The following TNRC18 variants were observed in gnomAD, a reference collection of about 807,000 sequenced individuals.
TNRC18 encodes trinucleotide repeat containing 18, also known as trinucleotide repeat-containing gene 18 protein.
Under a neutral mutation model 226.7 loss-of-function variants are expected in TNRC18, and 69 were observed. The ratio of observed to expected loss-of-function variants is 0.30; its 90% CI spans 0.25 to 0.37. The LOEUF is 0.37. Among genes scored for constraint, TNRC18 ranks in the 10% least tolerant of loss-of-function variants. TNRC18 has a pLI of 1.00. For missense variants in TNRC18, 4,754 were observed against 4,256.6 expected, an observed-to-expected ratio of 1.12 and a Z score of -3.25; for synonymous variants, 2,449 against 1,927.6, an observed-to-expected ratio of 1.27 and a Z score of -7.09.
chr7:5,399,116 CT>C lies in TNRC18; in HGVS notation c.188-4522del, dbSNP rs148302563. On this transcript the variant is annotated intron_variant, in intron 2 of 29. Transcript: ENST00000430969. ...TACTCCAAGCCCCCACAGTGCCCCCCTGCCCCACCCACTGCTCACACCCACA... is the reference window on the plus strand; with the variant it reads ...TACTCCAAGCCCCCACAGTGCCCCCCGCCCCACCCACTGCTCACACCCACA... Among the ~76,000 whole-genome samples the C allele has an allele frequency of 1.8e-4, 28 of 152,326 alleles. No individual in the cohort carries two copies. In the East Asian group the frequency reaches 4.2e-3, roughly 23 times the overall value.
At chr7:5,415,895 C>T (rs1468864048) in intron 2 of TNRC18, among the ~76,000 whole-genome samples, 1 of 141,340 alleles carries the variant, frequency 7.1e-6, no homozygotes. Flanking sequence ...TCACCTGAGG[C>T]CAGGAGTTCG....
intron 11 of TNRC18, among the ~76,000 whole-genome samples, chr7:5,363,558 G>T (rs371760696): frequency 6.6e-6 from 1 of 151,974 alleles, no homozygotes; most frequent in Non-Finnish European, 1.5e-5. Flanking sequence ...AAGCCGAGAT[G>T]GCGCCACTGC....
chr7:5,348,461 C>A (rs1178504460), intron 17 of TNRC18, among the ~76,000 whole-genome samples: 1 of 152,202 alleles, frequency 6.6e-6, no homozygotes, highest in African/African-American at 2.4e-5. Flanking sequence ...ACTCCACAGT[C>A]TCCTGCCAAC....
rs1371564878 is a variant in TNRC18 at position 5,357,197 on chromosome 7, T to A, written c.4913A>T (p.Lys1638Met). ...GAAGGGCGACTTCAACTTGTCCTGC[T>A]TGGTGAGGGAGAGGGCCTTGTCGAG... is the stretch of plus-strand genomic sequence containing the variant. ...SKLDKALSLT[K>M]QDKLKSPFKF... is the part of the protein sequence containing the mutation. Residue 1638 changes from lysine (K) to methionine (M), a missense_variant, in exon 16 of 30, where the codon AAG becomes ATG. Coordinates refer to ENST00000430969, the MANE Select transcript of TNRC18 (RefSeq NM_001080495.3). The A allele has an allele frequency of 6.2e-7, 1 of 1,611,454 alleles. No homozygotes were observed.
intron 11 of TNRC18, among the ~76,000 whole-genome samples, chr7:5,366,246 T>C (rs1793604107): frequency 6.7e-6 from 1 of 149,932 alleles, no homozygotes; most frequent in Non-Finnish European, 1.5e-5. Flanking sequence ...CAACCAAAAA[T>C]GTGGTTGCCA....
chr7:5,400,440 T>A (rs1464139632), intron 2 of TNRC18, among the ~76,000 whole-genome samples: 1 of 151,782 alleles, frequency 6.6e-6, no homozygotes, highest in Non-Finnish European at 1.5e-5. Flanking sequence ...TGAAACTCCG[T>A]CTCTATTTAA....
At position 5,376,027 on chromosome 7, in the gene TNRC18, G is replaced by C. The variant is rs537143592; in HGVS notation, c.2799+7C>G. The C allele has an allele frequency of 1.0e-5, 16 of 1,585,836 alleles. No individual in the cohort carries two copies. Among genetic ancestry groups the C allele is most frequent in the African/African-American group, 1.3e-5 (1 of 74,136 alleles). ...GAGGGAGCTGCGCCTCATCCTCCCCGACTTACCACGAGCTGGGCGCTCCTC... is the reference window on the plus strand; with the variant it reads ...GAGGGAGCTGCGCCTCATCCTCCCCCACTTACCACGAGCTGGGCGCTCCTC... On this transcript the variant is annotated splice_region_variant and intron_variant, in intron 9 of 29. Coordinates refer to ENST00000430969, the MANE Select transcript of TNRC18 (RefSeq NM_001080495.3).
intron 18 of TNRC18, 45 bp downstream of exon 18, chr7:5,345,517 G>GGGGGGGGCGC: frequency 2.6e-6 from 1 of 377,744 alleles, no homozygotes. Context: ...AATGGCGTCC[G>GGGGGGGGCGC]CCCCTCCCAC....
intron 24 of TNRC18, 51 bp downstream of exon 24, chr7:5,320,267 C>T: frequency 7.0e-7 from 1 of 1,435,114 alleles, no homozygotes; most frequent in Admixed American, 2.0e-5. Flanking sequence ...CCAAACAAGT[C>T]CATACTGAGA....
rs1793178792 is a variant in TNRC18, at chr7:5,362,652, G to A, written c.4393C>T (p.Arg1465Trp). ...GGAGGAAGCAGCCAGCCGCTCACCCGCTCCTCCTTCTTGCGCATCCAGCTG... is the reference window on the plus strand; with the variant it reads ...GGAGGAAGCAGCCAGCCGCTCACCCACTCCTCCTTCTTGCGCATCCAGCTG... Reference protein sequence around the residue: ...KYSWMRKKEERMYAMKSSLED... With the variant: ...KYSWMRKKEEWMYAMKSSLED... Residue 1465 changes from arginine (R) to tryptophan (W), a missense_variant and splice_region_variant, in exon 12 of 30, where the codon CGG becomes TGG. Arg to Trp is a moderately radical substitution (Grantham distance 101). Coordinates refer to ENST00000430969, the MANE Select transcript of TNRC18 (RefSeq NM_001080495.3). The A allele has an allele frequency of 3.2e-6, 5 of 1,566,514 alleles. No homozygotes were observed. Among genetic ancestry groups the A allele is most frequent in the South Asian group, 1.2e-5 (1 of 84,608 alleles).
In TNRC18 at chr7:5,359,519, C is replaced by A; in HGVS notation, c.4712G>T (p.Gly1571Val). The change falls in exon 15 of 30, where the codon GGG becomes GTG. Residue 1571 changes from glycine (G) to valine (V), a missense_variant. By Grantham distance (109) the Gly-to-Val change is moderately radical (BLOSUM62 -3). Coordinates refer to ENST00000430969, the MANE Select transcript of TNRC18 (RefSeq NM_001080495.3). ...AGACCCCTTGTGTCTCTTTCTTATC[C>A]CTGCTCCCAGCTCATAATCATCTGA... is the stretch of plus-strand genomic sequence containing the variant. ...LTSDDYELGA[G>V]IRKRHKGSEE... is the part of the protein sequence containing the mutation. 1 of 1,613,986 alleles carries A rather than the reference C, an allele frequency of 6.2e-7. No individual in the cohort carries two copies. Among genetic ancestry groups the A allele is most frequent in the Non-Finnish European group, 8.5e-7 (1 of 1,179,888 alleles).
rs753242310 is a variant in TNRC18 at position 5,309,157 on chromosome 7, G to A, written c.8600C>T (p.Pro2867Leu). Residue 2867 changes from proline to leucine, a missense_variant, in exon 28 of 30, where the codon CCG (proline) becomes CTG (leucine). By Grantham distance (98) the Pro-to-Leu change is moderately conservative. Transcript: ENST00000430969. The surrounding 1 kb of genome is among the most constrained non-coding windows in gnomAD (Gnocchi z 5.7). ...CTGGCCCTGGTGGAACTGCTTGCCC[G>A]GGCTGGTCTCCTCGGGGTGGTAGAA... ...KWFYHPEETS[P>L]GKQFHQGQHW... is the part of the protein sequence containing the mutation. 2.0e-5 allele frequency: 33 copies of A among 1,611,362 alleles called. No homozygotes were observed. Among genetic ancestry groups the A allele is most frequent in the East Asian group, 2.2e-5 (1 of 44,848 alleles).
At chr7:5,396,996 C>A (rs144964548) in intron 2 of TNRC18, among the ~76,000 whole-genome samples, 1,535 of 152,326 alleles carry the variant, frequency 0.01, 31 homozygotes, top group Admixed American at 0.041. Flanking sequence ...AGGGCAGGGC[C>A]TCCACCTTGG....
At position 5,351,945 on chromosome 7, in the gene TNRC18, G is replaced by C; in HGVS notation, c.5344C>G (p.Leu1782Val). 5 of 1,613,892 alleles carry C rather than the reference G, an allele frequency of 3.1e-6. No homozygotes were observed. Among genetic ancestry groups the C allele is most frequent in the Non-Finnish European group, 4.2e-6 (5 of 1,179,850 alleles). ...GGTTTCAGAGTCCGGGGGGCCGCCA[G>C]GCCCCTCTTGGTCAGCTTGGGGCCA... ...AGGPKLTKRGLAAPRTLKPKP... is the reference protein window; with the variant it reads ...AGGPKLTKRGVAAPRTLKPKP... Residue 1782 changes from leucine to valine, a missense_variant, in exon 17 of 30, where the codon CTG becomes GTG. By Grantham distance (32) the Leu-to-Val change is conservative (BLOSUM62 1). Transcript: ENST00000430969.
At chr7:5,350,643 C>T (rs1165855042) in intron 17 of TNRC18, among the ~76,000 whole-genome samples, 3 of 152,232 alleles carry the variant, frequency 2.0e-5, no homozygotes, top group Non-Finnish European at 4.4e-5. Flanking sequence ...GTCAGAGATT[C>T]ACTTGCTTCC....
rs568632634 is a variant in TNRC18, at chr7:5,314,360, C to A, written c.7028-497G>T. ...GCCTCCTTCGGCGGTTCCCCTATAA[C>A]AACCTTAAGTTGTGTTGGCCCCAAA... is the stretch of plus-strand genomic sequence containing the variant. On this transcript the variant is annotated intron_variant, in intron 26 of 29. Transcript: ENST00000430969. 1.1e-4 allele frequency among the ~76,000 whole-genome samples: 16 copies of A among 152,164 alleles called. No individual in the cohort carries two copies. In the South Asian group the frequency reaches 1.5e-3, roughly 14 times the overall value.
chr7:5,419,359 G>A (rs917978281), intron 2 of TNRC18, among the ~76,000 whole-genome samples: 7 of 152,206 alleles, frequency 4.6e-5, no homozygotes, highest in South Asian at 2.1e-4. Flanking sequence ...AAAGCCAAGC[G>A]CAGGCCCAGC....
intron 19 of TNRC18, among the ~76,000 whole-genome samples, chr7:5,330,217 C>T (rs1789374035): frequency 6.6e-6 from 1 of 152,072 alleles, no homozygotes; most frequent in Admixed American, 6.6e-5. Context: ...CAGGAATGAG[C>T]CACTGCAAAC....
chr7:5,385,437 G>A (rs56186995), intron 5 of TNRC18, among the ~76,000 whole-genome samples: 29,578 of 140,098 alleles, frequency 0.21, 3,086 homozygotes, highest in South Asian at 0.33. Context: ...GCAGTGAGCC[G>A]AGATTGCGCC....
Sources: gnomAD v4.1 joint callset for allele counts (sites outside exome capture counted in the v4.1 genomes callset) on GRCh38, gnomAD v4.1.1 for gene constraint, Gnocchi (gnomAD v3.1) non-coding constraint, MANE v1.5 for transcripts, NCBI Gene and HGNC (gene_info 2026-07-23, HGNC 2026-07-21) for gene names.